The following CRTC3 variants were observed in gnomAD, a reference collection of about 807,000 sequenced individuals.
The protein encoded by CRTC3 is CREB regulated transcription coactivator 3.
In CRTC3, 26 loss-of-function variants were observed where a neutral mutation model predicts 74.5. That is an observed-to-expected ratio of 0.35 (90% confidence interval 0.26 to 0.48). The LOEUF is 0.48. Ranked by LOEUF, CRTC3 falls within the 20% of genes least tolerant of loss-of-function variation. CRTC3 has a pLI of 0.99. For missense variants in CRTC3, 760 were observed against 787.3 expected (o/e 0.97, Z 0.41); for synonymous variants, 377 against 325.8 (o/e 1.16, Z -1.69).
intron 2 of CRTC3, among the ~76,000 whole-genome samples, chr15:90,574,501 A>T (rs1006485966): frequency 1.2e-4 from 18 of 151,388 alleles, no homozygotes; most frequent in African/African-American, 4.4e-4. Context: ...CAAAAAAACT[A>T]TGCTTCAATG....
intron 9 of CRTC3, among the ~76,000 whole-genome samples, chr15:90,620,543 C>G (rs1173596826): frequency 6.6e-6 from 1 of 152,094 alleles, no homozygotes; most frequent in Non-Finnish European, 1.5e-5. Flanking sequence ...TTAACAGAAA[C>G]TGCCTTGGGA....
Position 90,607,365 on chromosome 15 carries a change from C to G in CRTC3, c.477-13C>G, listed in dbSNP as rs373264757. 1.9e-6 allele frequency: 3 copies of G among 1,557,810 alleles called. No individual in the cohort carries two copies. The African/African-American group carries it at 4.1e-5, about 21-fold the overall frequency. Reference sequence around the variant, plus strand: ...AACGGATTTTCAGCCAGCCTCTCTCCTCCCCTCCTTAGGACCAATTCTGAT... The same window carrying G: ...AACGGATTTTCAGCCAGCCTCTCTCGTCCCCTCCTTAGGACCAATTCTGAT... On this transcript the variant is annotated splice_polypyrimidine_tract_variant and intron_variant, in intron 5 of 14. Transcript: ENST00000268184.
chr15:90,615,775 A>G (rs1042842996), intron 7 of CRTC3, among the ~76,000 whole-genome samples: 2 of 152,216 alleles, frequency 1.3e-5, no homozygotes, highest in Non-Finnish European at 2.9e-5. Flanking sequence ...GCTGTGTGTG[A>G]TGACACCTTA....
intron 2 of CRTC3, among the ~76,000 whole-genome samples, chr15:90,572,551 C>T (rs1967296579): frequency 2.0e-5 from 3 of 152,080 alleles, no homozygotes; most frequent in Admixed American, 6.6e-5. Context: ...CTTTCATATA[C>T]TCTTCCCCAC....
intron 2 of CRTC3, among the ~76,000 whole-genome samples, chr15:90,573,749 A>G (rs892525602): frequency 2.6e-5 from 4 of 152,182 alleles, no homozygotes; most frequent in Non-Finnish European, 5.9e-5. Context: ...TTTTAGGCAG[A>G]TACATATGAA....
intron 2 of CRTC3, among the ~76,000 whole-genome samples, chr15:90,558,720 C>T (rs1190617447): frequency 2.0e-5 from 3 of 151,848 alleles, no homozygotes; most frequent in Non-Finnish European, 4.4e-5. Context: ...GCACTTATCA[C>T]GATCCAGTAT....
intron 2 of CRTC3, among the ~76,000 whole-genome samples, chr15:90,584,138 CTTCCATTAGCT>C (rs1363906001): frequency 6.6e-6 from 1 of 151,794 alleles, no homozygotes; most frequent in African/African-American, 2.4e-5. Flanking sequence ...GCTATAACAT[CTTCCATTAGCT>C]TCAGTCTGCA....
rs115514557 is a variant in CRTC3 at position 90,539,773 on chromosome 15, C to A, written c.133-266C>A. On this transcript the variant is annotated intron_variant, in intron 1 of 14. Transcript: ENST00000268184. ...GTTGTTAAAGATTATGCCAGTGTAT[C>A]CAAACATACACACTCAAAGACCTTG... 2.7e-3 allele frequency: 1,046 copies of A among 385,814 alleles called. 9 individuals carry two copies. Among genetic ancestry groups the A allele is most frequent in the African/African-American group, 0.015 (695 of 46,622 alleles). The allele number at this position is 385,814 out of a possible 1,614,324, so 23.9% of individuals were successfully genotyped here. A position where few individuals can be genotyped will look rare whatever the true frequency, so the allele number is the denominator to read the frequency against.
intron 2 of CRTC3, 93 bp from the exon 3 acceptor site, chr15:90,593,543 C>T (rs1156635666): frequency 6.9e-6 from 10 of 1,444,544 alleles, no homozygotes; most frequent in South Asian, 1.3e-5. Flanking sequence ...ACTGTAAAAT[C>T]GGTCCTTTCA....
rs772782302 is a variant in CRTC3, at chr15:90,625,880, C to T, written c.854C>T (p.Pro285Leu). The change falls in exon 10 of 15, where the codon CCC (proline) becomes CTC (leucine). Residue 285 changes from proline to leucine, a missense_variant. Transcript: ENST00000268184. ...CTAACCAACCTCCACTACTCGACAC[C>T]CCTGCCAGCCTCCCTGGACACCACC... is the stretch of plus-strand genomic sequence containing the variant. The part of the protein sequence containing the change: ...PDLTNLHYST[P>L]LPASLDTTDH... The T allele has an allele frequency of 6.2e-7, 1 of 1,614,164 alleles. No homozygotes were observed. The highest frequency in any genetic ancestry group is 8.5e-7 in the Non-Finnish European group (1 of 1,180,010).
intron 1 of CRTC3, among the ~76,000 whole-genome samples, chr15:90,532,482 T>C (rs549410869): frequency 6.6e-6 from 1 of 152,330 alleles, no homozygotes; most frequent in Non-Finnish European, 1.5e-5. Flanking sequence ...TTTTCATTAC[T>C]AGCCCATGAC....
chr15:90,602,631 C>G (rs1045938761), intron 4 of CRTC3, among the ~76,000 whole-genome samples: 2 of 145,792 alleles, frequency 1.4e-5, no homozygotes, highest in African/African-American at 5.2e-5. Flanking sequence ...GACGCCATCT[C>G]TTAAAAACAA....
In CRTC3 at chr15:90,638,571, C is replaced by A; in HGVS notation, c.1392C>A (p.Ala464=). The A allele has an allele frequency of 6.2e-7, 1 of 1,613,058 alleles. No homozygotes were observed. The highest frequency in any genetic ancestry group is 1.1e-5 in the South Asian group (1 of 91,072). Residue 464 remains alanine, a synonymous_variant, in exon 12 of 15, where the codon GCC becomes GCA. Coordinates refer to ENST00000268184, the MANE Select transcript of CRTC3 (RefSeq NM_022769.5). ...AGCCCCTCCTGCAGCAGCCCCGCGC[C>A]CCTGAGGCCCCTGCCCAGCAGCCCC... The part of the protein sequence containing the change: ...LTQPLLQQPR[A]PEAPAQQPQA...
chr15:90,561,816 A>T (rs935089723), intron 2 of CRTC3, among the ~76,000 whole-genome samples: 2 of 152,228 alleles, frequency 1.3e-5, no homozygotes, highest in Non-Finnish European at 2.9e-5. Context: ...AGGAGTTAGA[A>T]TTGGTCCCTA....
intron 5 of CRTC3, among the ~76,000 whole-genome samples, chr15:90,605,043 G>A (rs1968178948): frequency 6.6e-6 from 1 of 152,036 alleles, no homozygotes; most frequent in Admixed American, 6.5e-5. Context: ...AGAGGATCGT[G>A]TGAGTCCAGC....
chr15:90,541,454 C>T (rs1443878902), intron 2 of CRTC3, among the ~76,000 whole-genome samples: 2 of 152,060 alleles, frequency 1.3e-5, no homozygotes, highest in African/African-American at 4.8e-5. Context: ...CATATTTGTA[C>T]CCTATTGCAC....
chr15:90,545,792 A>G (rs555211887), intron 2 of CRTC3, among the ~76,000 whole-genome samples: 5 of 151,738 alleles, frequency 3.3e-5, no homozygotes, highest in African/African-American at 7.3e-5. Context: ...GTTAGCCAGG[A>G]TGGTCTCCAT....
chr15:90,615,024 A>AC (rs1244933937), intron 7 of CRTC3, among the ~76,000 whole-genome samples: 1 of 152,154 alleles, frequency 6.6e-6, no homozygotes, highest in Non-Finnish European at 1.5e-5. Context: ...AGATTGTGCC[A>AC]CTGCACTCCA....
intron 2 of CRTC3, among the ~76,000 whole-genome samples, chr15:90,558,803 G>A (rs891259034): frequency 9.9e-5 from 15 of 151,754 alleles, no homozygotes; most frequent in Non-Finnish European, 7.4e-5. Context: ...CCAGGCTGGC[G>A]TGCAGTGGCG....
Sources: allele counts gnomAD v4.1 joint callset (sites outside exome capture counted in the v4.1 genomes callset), GRCh38; gene constraint gnomAD v4.1.1; transcripts MANE v1.5; gene names NCBI Gene and HGNC (gene_info 2026-07-23, HGNC 2026-07-21).